P4HA1: variants seen among roughly 807,000 people sequenced by gnomAD.
The protein encoded by P4HA1 is prolyl 4-hydroxylase subunit alpha 1, also known as prolyl 4-hydroxylase subunit alpha-1.
In P4HA1, 24 loss-of-function variants were observed where a neutral mutation model predicts 72.8. The ratio of observed to expected loss-of-function variants is 0.33; its 90% CI spans 0.24 to 0.46. The LOEUF is 0.46. Among genes scored for constraint, P4HA1 ranks in the 20% least tolerant of loss-of-function variants. The probability of loss-of-function intolerance (pLI) is 1.00; values close to 1 mark genes in which losing one functional copy is unlikely to be tolerated. For synonymous variants in P4HA1, 201 were observed against 218.8 expected, an observed-to-expected ratio of 0.92 and a Z score of 0.72; for missense variants, 446 against 640.6, an observed-to-expected ratio of 0.70 and a Z score of 3.28.
intron 13 of P4HA1, among the ~76,000 whole-genome samples, chr10:73,010,142 A>G (rs1013324518): frequency 2.0e-5 from 3 of 151,924 alleles, no homozygotes; most frequent in Admixed American, 6.6e-5. Flanking sequence ...CTAATTTTGT[A>G]TTTTTAGTAG....
chr10:73,074,912 A>G lies in P4HA1; in HGVS notation c.-29T>C. The G allele has an allele frequency of 2.1e-6, 2 of 964,794 alleles. No homozygotes were observed. The highest frequency in any genetic ancestry group is 2.2e-4 in the Middle Eastern group (1 of 4,586). The allele number at this position is 964,794 out of a possible 1,614,324, so 59.8% of individuals were successfully genotyped here. On this transcript the variant is annotated 5_prime_UTR_variant, in exon 2 of 15. Transcript: ENST00000394890. ...GGAAGATTTAATTTTACAGGATCAC[A>G]CACCTACAAAAGAAAGAGAGAAATG...
In P4HA1 at chr10:73,093,873, AATATATATATAT is replaced by A. The variant is rs1167437294; in HGVS notation, c.-33+2881_-33+2892del. Among the ~76,000 whole-genome samples, 70 of 29,304 alleles carry A rather than the reference AATATATATATAT, an allele frequency of 2.4e-3. 1 individual carries two copies. The highest frequency in any genetic ancestry group is 3.7e-3 in the African/African-American group (41 of 10,976). 19.2% of individuals were successfully genotyped at this position (29,304 alleles called of 152,430 possible). On this transcript the variant is annotated intron_variant, in intron 1 of 14. Coordinates refer to ENST00000394890, the MANE Select transcript of P4HA1 (RefSeq NM_001017962.3). ...AAAAAAAAAAAAAAAAAAAAAAAAA[AATATATATATAT>A]ATATATATATATATATATATATACA... is the stretch of plus-strand genomic sequence containing the variant.
At chr10:73,011,106 T>C in intron 12 of P4HA1, 69 bp from the exon 13 acceptor site, 1 of 1,132,390 alleles carries the variant, frequency 8.8e-7, no homozygotes, top group South Asian at 1.3e-5. Flanking sequence ...TTATATAGAC[T>C]TGATATTGGA....
intron 9 of P4HA1, among the ~76,000 whole-genome samples, chr10:73,038,238 G>A (rs1233921076): frequency 6.6e-6 from 1 of 152,156 alleles, no homozygotes; most frequent in African/African-American, 2.4e-5. Flanking sequence ...CTGGGCGACA[G>A]AGTGAGACCC....
At position 73,093,016 on chromosome 10, in the gene P4HA1, A is replaced by C. The variant is rs557383026; in HGVS notation, c.-33+3750T>G. 6.6e-5 allele frequency among the ~76,000 whole-genome samples: 10 copies of C among 151,878 alleles called. No homozygotes were observed. The South Asian group carries it at 2.1e-3, about 32-fold the overall frequency. ...CATCTGTACCCCGAGCTACACCCGGAGGCTGAGGCAGAAGGATTGCTTGAG... is the reference window on the plus strand; with the variant it reads ...CATCTGTACCCCGAGCTACACCCGGCGGCTGAGGCAGAAGGATTGCTTGAG... On this transcript the variant is annotated intron_variant, in intron 1 of 14. Transcript: ENST00000394890.
intron 6 of P4HA1, 25 bp from the exon 7 acceptor site, chr10:73,051,274 T>A (rs199717276): frequency 1.5e-6 from 2 of 1,294,518 alleles, no homozygotes; most frequent in East Asian, 2.3e-5. Context: ...ACAAAGCATG[T>A]CCATGGGTAA....
chr10:73,067,391 AT>A (rs1361923245), intron 5 of P4HA1, among the ~76,000 whole-genome samples: 1 of 152,044 alleles, frequency 6.6e-6, no homozygotes, highest in Non-Finnish European at 1.5e-5. Context: ...AAAATCATAA[AT>A]TTCCCTTACA....
intron 1 of P4HA1, among the ~76,000 whole-genome samples, chr10:73,079,066 T>G (rs1841768011): frequency 1.3e-5 from 2 of 152,242 alleles, no homozygotes. Flanking sequence ...AATTACTCTC[T>G]AACAAAAGAG....
chr10:73,079,785 G>T (rs932214382), intron 1 of P4HA1, among the ~76,000 whole-genome samples: 7 of 151,914 alleles, frequency 4.6e-5, no homozygotes, highest in African/African-American at 1.7e-4. Context: ...TAAAAATAAC[G>T]ATACTTTGAA....
chr10:73,072,273 T>C (rs369231755), intron 3 of P4HA1, 93 bp from the exon 4 acceptor site: 2 of 1,019,474 alleles, frequency 2.0e-6, no homozygotes, highest in African/African-American at 3.2e-5. Flanking sequence ...ACTAGAAGTT[T>C]TTGAGTTCAA....
At chr10:73,013,908 A>C (rs1195671368) in intron 12 of P4HA1, among the ~76,000 whole-genome samples, 3 of 152,166 alleles carry the variant, frequency 2.0e-5, no homozygotes, top group African/African-American at 7.2e-5. Context: ...TATGTATAGA[A>C]ATTCAAATAT....
chr10:73,088,379 G>A (rs1841964594), intron 1 of P4HA1, among the ~76,000 whole-genome samples: 1 of 152,176 alleles, frequency 6.6e-6, no homozygotes, highest in Non-Finnish European at 1.5e-5. Context: ...TTGGTGTAAA[G>A]TTGAAACCAT....
intron 10 of P4HA1, among the ~76,000 whole-genome samples, chr10:73,021,967 T>A (rs1840146166): frequency 6.6e-6 from 1 of 152,208 alleles, no homozygotes; most frequent in Non-Finnish European, 1.5e-5. Flanking sequence ...GAGGCTTGAT[T>A]AGGTAAACAA....
At chr10:73,092,042 C>T (rs949485380) in intron 1 of P4HA1, among the ~76,000 whole-genome samples, 28 of 152,154 alleles carry the variant, frequency 1.8e-4, no homozygotes, top group African/African-American at 6.5e-4. Context: ...CAGTCTACCT[C>T]TTTCTAGTCT....
intron 1 of P4HA1, among the ~76,000 whole-genome samples, chr10:73,088,391 T>C (rs186001621): frequency 9.2e-5 from 14 of 152,314 alleles, no homozygotes; most frequent in Admixed American, 9.1e-4. Context: ...TGAAACCATA[T>C]AAATACCACA....
intron 4 of P4HA1, among the ~76,000 whole-genome samples, chr10:73,069,728 T>C (rs1039826890): frequency 2.0e-5 from 3 of 152,110 alleles, no homozygotes; most frequent in African/African-American, 7.2e-5. Context: ...GGTTTAAAAT[T>C]TTAATATCAG....
At chr10:73,060,110 A>G (rs965750518) in intron 5 of P4HA1, among the ~76,000 whole-genome samples, 2 of 152,344 alleles carry the variant, frequency 1.3e-5, no homozygotes, top group African/African-American at 4.8e-5. Context: ...TTGACTGATC[A>G]TATCTAGAGT....
At chr10:73,010,106 T>C (rs1386400682) in intron 13 of P4HA1, among the ~76,000 whole-genome samples, 1 of 152,040 alleles carries the variant, frequency 6.6e-6, no homozygotes, top group East Asian at 1.9e-4. Context: ...ATAGCTGGGA[T>C]TACAGGCGTG....
chr10:73,021,935 A>G (rs1840144953), intron 10 of P4HA1, among the ~76,000 whole-genome samples: 1 of 151,948 alleles, frequency 6.6e-6, no homozygotes, highest in South Asian at 2.1e-4. Flanking sequence ...GCCTGGCTGG[A>G]GGAGGGGTGT....
Sources: gnomAD v4.1 joint callset for allele counts (sites outside exome capture counted in the v4.1 genomes callset) on GRCh38, gnomAD v4.1.1 for gene constraint, MANE v1.5 for transcripts, NCBI Gene and HGNC (gene_info 2026-07-23, HGNC 2026-07-21) for gene names.